Variants in MYRIP observed in about 807,000 individuals in gnomAD.
The protein encoded by MYRIP is myosin VIIA and Rab interacting protein, also known as rab effector MyRIP.
A neutral mutation model predicts 98.0 loss-of-function variants in MYRIP; 49 were observed. The ratio of observed to expected loss-of-function variants is 0.50; its 90% CI spans 0.40 to 0.63. The LOEUF is 0.63. MYRIP is among the 30% of genes least tolerant of loss of function. The pLI is 0.00. For synonymous variants in MYRIP, 404 were observed against 409.5 expected (o/e 0.99, Z 0.16); for missense variants, 1,004 against 1,058.2 (o/e 0.95, Z 0.71).
chr3:39,856,929 T>A (rs1372392212), intron 1 of MYRIP, among the ~76,000 whole-genome samples: 1 of 152,042 alleles, frequency 6.6e-6, no homozygotes. Context: ...GAAATAAATA[T>A]CAATGAGATG....
At chr3:39,891,267 C>G (rs1366183026) in intron 1 of MYRIP, among the ~76,000 whole-genome samples, 2 of 151,938 alleles carry the variant, frequency 1.3e-5, no homozygotes, top group African/African-American at 4.8e-5. Context: ...ATGATCTTCT[C>G]TTGCCTTATT....
intron 4 of MYRIP, among the ~76,000 whole-genome samples, chr3:40,152,044 A>G (rs780635383): frequency 3.9e-5 from 6 of 152,234 alleles, no homozygotes; most frequent in South Asian, 2.1e-4. Context: ...GGCACTAAAC[A>G]TGGAGAATCA....
At chr3:39,869,047 G>A (rs761582754) in intron 1 of MYRIP, among the ~76,000 whole-genome samples, 1 of 152,064 alleles carries the variant, frequency 6.6e-6, no homozygotes, top group Non-Finnish European at 1.5e-5. Context: ...GGATCTTTTT[G>A]AGTTTATCCT....
intron 1 of MYRIP, among the ~76,000 whole-genome samples, chr3:39,839,518 A>G (rs1411645000): frequency 6.6e-6 from 1 of 152,164 alleles, no homozygotes; most frequent in Non-Finnish European, 1.5e-5. Flanking sequence ...TTGGCCTCGC[A>G]AAATGTTGTG....
chr3:40,134,025 A>G (rs1361709746), intron 3 of MYRIP, among the ~76,000 whole-genome samples: 1 of 152,190 alleles, frequency 6.6e-6, no homozygotes, highest in African/African-American at 2.4e-5. Context: ...GGAGTGCCGG[A>G]CAGTGGGTGC....
At chr3:40,170,157 C>T (rs1421961672) in intron 8 of MYRIP, 64 bp downstream of exon 8, 2 of 1,565,174 alleles carry the variant, frequency 1.3e-6, no homozygotes, top group Non-Finnish European at 1.7e-6. Context: ...ACATTTAACC[C>T]TCTGTAGTTG....
intron 11 of MYRIP, among the ~76,000 whole-genome samples, chr3:40,211,007 G>A (rs971211358): frequency 2.0e-5 from 3 of 152,052 alleles, no homozygotes; most frequent in Admixed American, 1.3e-4. Context: ...CTGTGCGTGT[G>A]CCTGTACACA....
chr3:40,216,112 A>C (rs1415180646), intron 11 of MYRIP, among the ~76,000 whole-genome samples: 1 of 152,254 alleles, frequency 6.6e-6, no homozygotes, highest in Non-Finnish European at 1.5e-5. Context: ...GGACTGGGAA[A>C]GATTGCCCAG....
At chr3:39,944,483 G>A (rs952102977) in intron 2 of MYRIP, among the ~76,000 whole-genome samples, 2 of 152,008 alleles carry the variant, frequency 1.3e-5, no homozygotes, top group Admixed American at 6.6e-5. Flanking sequence ...GAGGAAGAGC[G>A]GGAGAAAGGG....
intron 1 of MYRIP, among the ~76,000 whole-genome samples, chr3:39,897,975 A>G (rs1174203122): frequency 6.6e-6 from 1 of 152,182 alleles, no homozygotes; most frequent in Non-Finnish European, 1.5e-5. Context: ...ACCTTCCAGG[A>G]AACTCCAAAA....
intron 1 of MYRIP, among the ~76,000 whole-genome samples, chr3:39,879,147 T>A (rs1943097516): frequency 6.6e-6 from 1 of 151,864 alleles, no homozygotes; most frequent in South Asian, 2.1e-4. Flanking sequence ...TATGTTTTTG[T>A]GTATTTTATT....
At chr3:40,099,639 C>CA (rs1559400338) in intron 3 of MYRIP, among the ~76,000 whole-genome samples, 1 of 152,066 alleles carries the variant, frequency 6.6e-6, no homozygotes, top group African/African-American at 2.4e-5. Flanking sequence ...TTGCCCTGCC[C>CA]AAAAAAGATC....
chr3:39,979,144 GT>G (rs1945822207), intron 2 of MYRIP, among the ~76,000 whole-genome samples: 1 of 151,948 alleles, frequency 6.6e-6, no homozygotes, highest in Non-Finnish European at 1.5e-5. Flanking sequence ...TTGTTTGTTT[GT>G]TTTTTGTTTT....
intron 2 of MYRIP, among the ~76,000 whole-genome samples, chr3:39,911,685 A>T (rs1264230812): frequency 6.6e-6 from 1 of 152,218 alleles, no homozygotes; most frequent in East Asian, 1.9e-4. Flanking sequence ...GAATGTACAA[A>T]ATCCTTTAGC....
At chr3:40,251,531 T>A (rs1477670942) in intron 15 of MYRIP, among the ~76,000 whole-genome samples, 1 of 152,200 alleles carries the variant, frequency 6.6e-6, no homozygotes, top group Non-Finnish European at 1.5e-5. Flanking sequence ...AATGGCCTCA[T>A]GTCAGTTCAG....
chr3:40,223,887 A>G (rs1346072867), intron 11 of MYRIP, among the ~76,000 whole-genome samples: 1 of 152,172 alleles, frequency 6.6e-6, no homozygotes. Flanking sequence ...TGCTAAGAAG[A>G]TGACGTAGGG....
At chr3:40,114,868 T>A (rs1246795475) in intron 3 of MYRIP, among the ~76,000 whole-genome samples, 1 of 152,184 alleles carries the variant, frequency 6.6e-6, no homozygotes, top group African/African-American at 2.4e-5. Context: ...ACCTTTGAGC[T>A]AATCATTTAA....
chr3:39,997,296 T>G (rs1356749295), intron 2 of MYRIP, among the ~76,000 whole-genome samples: 6 of 150,004 alleles, frequency 4.0e-5, no homozygotes, highest in Middle Eastern at 3.4e-3. Flanking sequence ...GCAAGACTAA[T>G]AAAGAAGAAA....
intron 11 of MYRIP, among the ~76,000 whole-genome samples, chr3:40,222,036 G>T (rs966416620): frequency 6.6e-6 from 1 of 152,110 alleles, no homozygotes; most frequent in African/African-American, 2.4e-5. Context: ...AACCCAAGAG[G>T]GTTCTTGGTT....
Sources: gnomAD v4.1 joint callset for allele counts (sites outside exome capture counted in the v4.1 genomes callset) on GRCh38, gnomAD v4.1.1 for gene constraint, MANE v1.5 for transcripts, NCBI Gene and HGNC (gene_info 2026-07-23, HGNC 2026-07-21) for gene names.